The following ARID1A variants were observed in gnomAD, a reference collection of about 807,000 sequenced individuals.
The protein encoded by ARID1A is AT-rich interactive domain-containing protein 1A.
Under a neutral mutation model 212.6 loss-of-function variants are expected in ARID1A, and 20 were observed. That is an observed-to-expected ratio of 0.09 (90% CI 0.07 to 0.14). ARID1A has a LOEUF of 0.14. Among genes scored for constraint, ARID1A ranks in the 10% least tolerant of loss-of-function variants. ARID1A has a pLI of 1.00. For synonymous variants in ARID1A, 1,376 were observed against 1,222.1 expected (o/e 1.13, Z -2.63); for missense variants, 2,587 against 3,059.0 (o/e 0.85, Z 3.64).
At chr1:26,703,772 T>G (rs184321981) in intron 1 of ARID1A, among the ~76,000 whole-genome samples, 77 of 152,366 alleles carry the variant, frequency 5.1e-4, no homozygotes, top group African/African-American at 1.8e-3. Context: ...TAGCCCTATG[T>G]GATTACACCA....
intron 4 of ARID1A, among the ~76,000 whole-genome samples, chr1:26,748,173 G>A (rs2080854541): frequency 6.6e-6 from 1 of 152,228 alleles, no homozygotes. Context: ...GCCATGTTCA[G>A]CACAGTGCCA....
chr1:26,738,119 G>A (rs1028944128), intron 4 of ARID1A, among the ~76,000 whole-genome samples: 1 of 151,696 alleles, frequency 6.6e-6, no homozygotes, highest in Non-Finnish European at 1.5e-5. Flanking sequence ...CGCCTCCCGG[G>A]TTCAAACGAT....
At position 26,709,004 on chromosome 1, in the gene ARID1A, CTTAA is replaced by C. The variant is rs1342714556; in HGVS notation, c.1137+11467_1137+11470del. ...GCCACCGCGCCCAGCGGATTATTGT[CTTAA>C]TTTGCCACTTGGGGGAAATGAACAC... On this transcript the variant is annotated intron_variant, in intron 1 of 19. Transcript: ENST00000324856. Among the ~76,000 whole-genome samples the C allele has an allele frequency of 5.3e-5, 8 of 152,200 alleles. No homozygotes were observed. In the East Asian group the frequency reaches 1.5e-3, roughly 29 times the overall value.
rs535347928 is a variant in ARID1A, at chr1:26,739,572, T to A, written c.1920+6780T>A. Among the ~76,000 whole-genome samples, 3 of 152,334 alleles carry A rather than the reference T, an allele frequency of 2.0e-5. No individual in the cohort carries two copies. In the East Asian group the frequency reaches 5.8e-4, roughly 29 times the overall value. Reference sequence around the variant, plus strand: ...AGAATAATAGTGGTGATTTACACTGTAGTTTGACTCTTGATTATTTGGAAG... The same window carrying A: ...AGAATAATAGTGGTGATTTACACTGAAGTTTGACTCTTGATTATTTGGAAG... On this transcript the variant is annotated intron_variant, in intron 4 of 19. Coordinates refer to ENST00000324856, the MANE Select transcript of ARID1A (RefSeq NM_006015.6).
At chr1:26,731,095 T>G in intron 2 of ARID1A, 57 bp from the exon 3 acceptor site, 1 of 1,537,312 alleles carries the variant, frequency 6.5e-7, no homozygotes. Flanking sequence ...CACAAAACAC[T>G]TCATCTTTCC....
rs2081189053 is a variant in ARID1A at position 26,780,996 on chromosome 1, A to C, written c.*240A>C. 7.1e-6 allele frequency: 3 copies of C among 420,886 alleles called. No individual in the cohort carries two copies. The highest frequency in any genetic ancestry group is 2.0e-5 in the African/African-American group (1 of 49,090). 26.1% of individuals were successfully genotyped at this position (420,886 alleles called of 1,614,324 possible). A position where few individuals can be genotyped will look rare whatever the true frequency, so the allele number is the denominator to read the frequency against. Reference sequence around the variant, plus strand: ...CTTACTCCCCTCAGGACCCTACCCCACCCTCTTTGAAAAGACAAAGCTCTG... The same window carrying C: ...CTTACTCCCCTCAGGACCCTACCCCCCCCTCTTTGAAAAGACAAAGCTCTG... On this transcript the variant is annotated 3_prime_UTR_variant, in exon 20 of 20. Coordinates refer to ENST00000324856, the MANE Select transcript of ARID1A (RefSeq NM_006015.6). The surrounding 1 kb of genome is among the most constrained non-coding windows in gnomAD (Gnocchi z 7.2).
In ARID1A at chr1:26,779,200, C is replaced by G. The variant is rs1438281107; in HGVS notation, c.5302C>G (p.Leu1768Val). The part of the protein sequence containing the change: ...PMEGGEEEEE[L>V]LGPKLEEEEE... ...GGAGGGTGGGGAAGAAGAAGAAGAACTTCTAGGTCCTAAACTAGAAGAGGA... is the reference window on the plus strand; with the variant it reads ...GGAGGGTGGGGAAGAAGAAGAAGAAGTTCTAGGTCCTAAACTAGAAGAGGA... The change falls in exon 20 of 20, where the codon CTT (leucine) becomes GTT (valine). Residue 1768 changes from leucine to valine, a missense_variant. Coordinates refer to ENST00000324856, the MANE Select transcript of ARID1A (RefSeq NM_006015.6). The G allele has an allele frequency of 3.7e-6, 6 of 1,611,428 alleles. No homozygotes were observed. The East Asian group carries it at 8.9e-5, about 24-fold the overall frequency.
At position 26,774,237 on chromosome 1, in the gene ARID1A, C is replaced by G; in HGVS notation, c.4102-92C>G. Reference sequence around the variant, plus strand: ...CATGTTTTCTTGGAGTCTGTGTCCACCAAGCATCTGGTTGTAGCCATCTTG... The same window carrying G: ...CATGTTTTCTTGGAGTCTGTGTCCAGCAAGCATCTGGTTGTAGCCATCTTG... On this transcript the variant is annotated intron_variant, in intron 17 of 19. Transcript: ENST00000324856. The surrounding 1 kb of genome is among the most constrained non-coding windows in gnomAD (Gnocchi z 5.6). 4 of 1,497,048 alleles carry G rather than the reference C, an allele frequency of 2.7e-6. No homozygotes were observed. The highest frequency in any genetic ancestry group is 2.4e-5 in the Admixed American group (1 of 40,866). The allele number at this position is 1,497,048 out of a possible 1,614,324, so 92.7% of individuals were successfully genotyped here.
At chr1:26,732,556 T>C in intron 3 of ARID1A, 120 bp from the exon 4 acceptor site, 3 of 752,790 alleles carry the variant, frequency 4.0e-6, no homozygotes, top group Non-Finnish European at 6.6e-6. Context: ...CATAATACTT[T>C]TCGCAACTGG....
chr1:26,767,188 C>G (rs569187134), intron 10 of ARID1A, among the ~76,000 whole-genome samples: 2 of 152,336 alleles, frequency 1.3e-5, no homozygotes, highest in South Asian at 2.1e-4. Flanking sequence ...TCCTGTGAGT[C>G]TTCACCTCTG....
At chr1:26,757,216 TAAA>T (rs879619044) in intron 4 of ARID1A, among the ~76,000 whole-genome samples, 1 of 111,952 alleles carries the variant, frequency 8.9e-6, no homozygotes. Flanking sequence ...CCCTGTCTCT[TAAA>T]AAAAAAAAAA....
chr1:26,774,741 C>G lies in ARID1A; in HGVS notation c.4514C>G (p.Thr1505Ser), dbSNP rs1040465888. The G allele has an allele frequency of 6.2e-7, 1 of 1,614,132 alleles. No individual in the cohort carries two copies. Among genetic ancestry groups the G allele is most frequent in the East Asian group, 2.2e-5 (1 of 44,898 alleles). ...GTMWQGRNDM[T>S]YNYANRQSTG... ...ATGTGGCAGGGGCGTAATGACATGA[C>G]CTATAATTATGCCAACAGGCAGAGC... The change falls in exon 18 of 20, where the codon ACC (threonine) becomes AGC (serine). Residue 1505 changes from threonine (T) to serine (S), a missense_variant. By Grantham distance (58) the Thr-to-Ser change is moderately conservative. Transcript: ENST00000324856. This position sits in a 1 kb window ranked among gnomAD's most constrained non-coding sequence, Gnocchi z 5.6.
chr1:26,752,190 T>A (rs2080890761), intron 4 of ARID1A, among the ~76,000 whole-genome samples: 1 of 152,200 alleles, frequency 6.6e-6, no homozygotes, highest in South Asian at 2.1e-4. Context: ...AATTAACTTC[T>A]GACCTGGAAT....
At chr1:26,707,247 C>T (rs1362991030) in intron 1 of ARID1A, among the ~76,000 whole-genome samples, 2 of 111,458 alleles carry the variant, frequency 1.8e-5, no homozygotes, top group Non-Finnish European at 3.5e-5. Flanking sequence ...CTTGTTCTAT[C>T]GCCCAGGCTG....
chr1:26,777,024 C>G lies in ARID1A; in HGVS notation c.5124+1317C>G, dbSNP rs148980711. 3.9e-5 allele frequency among the ~76,000 whole-genome samples: 6 copies of G among 152,280 alleles called. No individual in the cohort carries two copies. In the East Asian group the frequency reaches 1.2e-3, roughly 29 times the overall value. ...CTCCCATTTACACCTCAGAACAACC[C>G]TGTAAAGTTTAGGAATTTTTATCAT... On this transcript the variant is annotated intron_variant, in intron 19 of 19. Coordinates refer to ENST00000324856, the MANE Select transcript of ARID1A (RefSeq NM_006015.6).
intron 1 of ARID1A, among the ~76,000 whole-genome samples, chr1:26,705,467 AATGGTCC>A (rs2080381068): frequency 6.7e-6 from 1 of 148,758 alleles, no homozygotes; most frequent in Admixed American, 6.7e-5. Flanking sequence ...CCCCTCAAGT[AATGGTCC>A]ATGACCTGCT....
At chr1:26,702,925 A>T (rs1024819400) in intron 1 of ARID1A, among the ~76,000 whole-genome samples, 2 of 152,210 alleles carry the variant, frequency 1.3e-5, no homozygotes, top group Non-Finnish European at 2.9e-5. Context: ...CACTTGGCTT[A>T]TGAGACTTTG....
chr1:26,728,158 T>C (rs1051148827), intron 1 of ARID1A, among the ~76,000 whole-genome samples: 2 of 152,212 alleles, frequency 1.3e-5, no homozygotes, highest in Non-Finnish European at 2.9e-5. Flanking sequence ...TATGACTTTG[T>C]ACAGTTTAGA....
At chr1:26,768,975 A>G (rs1196360947) in intron 11 of ARID1A, among the ~76,000 whole-genome samples, 2 of 152,260 alleles carry the variant, frequency 1.3e-5, no homozygotes, top group African/African-American at 4.8e-5. Flanking sequence ...AAGCCAGCCA[A>G]CAGTCAGTTA....
Sources: allele counts gnomAD v4.1 joint callset (sites outside exome capture counted in the v4.1 genomes callset), GRCh38; gene constraint gnomAD v4.1.1; non-coding constraint Gnocchi (gnomAD v3.1); transcripts MANE v1.5; gene names NCBI Gene and HGNC (gene_info 2026-07-23, HGNC 2026-07-21).